The following PPME1 variants were observed in gnomAD, a reference collection of about 807,000 sequenced individuals.
PPME1 encodes testicular secretory protein Li 39.
Under a neutral mutation model 56.9 loss-of-function variants are expected in PPME1, and 17 were observed. The observed-to-expected ratio is 0.30, with a 90% confidence interval of 0.20 to 0.45. The LOEUF (loss-of-function observed/expected upper bound fraction) is 0.45. PPME1 is among the 20% of genes least tolerant of loss of function. PPME1 has a pLI of 1.00. For missense variants in PPME1, 357 were observed against 483.2 expected (o/e 0.74, Z 2.45); for synonymous variants, 122 against 156.2 (o/e 0.78, Z 1.63).
At chr11:74,239,395 C>A (rs1290412127) in intron 9 of PPME1, 139 bp downstream of exon 9, 19 of 1,338,806 alleles carry the variant, frequency 1.4e-5, no homozygotes, top group Non-Finnish European at 1.9e-5. Context: ...ATAAGAGATA[C>A]TTAGCTTAAC....
At chr11:74,247,338 A>G (rs1437095462) in intron 11 of PPME1, 27 of 526,650 alleles carry the variant, frequency 5.1e-5, no homozygotes, top group Admixed American at 2.8e-4. Flanking sequence ...AATCCATCCA[A>G]AAATGAAGAT....
chr11:74,177,934 C>T (rs542888681), intron 1 of PPME1, among the ~76,000 whole-genome samples: 1 of 152,220 alleles, frequency 6.6e-6, no homozygotes, highest in South Asian at 2.1e-4. Flanking sequence ...AGTAGATTTA[C>T]TCTTTAAATA....
rs1448489714 is a variant in PPME1 at position 74,203,792 on chromosome 11, G to A, written c.166G>A (p.Val56Ile). ...TCAGTATTTTGAGTCCATGGAAGAT[G>A]TAGAAGTAGAGAATGAAACTGGCAA... The part of the protein sequence containing the change: ...WSQYFESMED[V>I]EVENETGKDT... Residue 56 changes from valine (V) to isoleucine (I), a missense_variant, in exon 2 of 14, where the codon GTA becomes ATA. By Grantham distance (29) the Val-to-Ile change is conservative. Coordinates refer to ENST00000328257, the MANE Select transcript of PPME1 (RefSeq NM_016147.3). 5.0e-6 allele frequency: 8 copies of A among 1,612,084 alleles called. No individual in the cohort carries two copies. Among genetic ancestry groups the A allele is most frequent in the Non-Finnish European group, 6.8e-6 (8 of 1,178,862 alleles).
intron 1 of PPME1, among the ~76,000 whole-genome samples, chr11:74,175,332 G>A (rs201352158): frequency 2.0e-5 from 3 of 151,910 alleles, no homozygotes; most frequent in Admixed American, 1.3e-4. Context: ...GAAAAACACC[G>A]TCTCTCCTAA....
intron 9 of PPME1, among the ~76,000 whole-genome samples, chr11:74,244,624 T>C (rs1342580252): frequency 6.6e-6 from 1 of 152,212 alleles, no homozygotes; most frequent in African/African-American, 2.4e-5. Context: ...TCGATGTTTT[T>C]AGTTGCTGAA....
chr11:74,238,608 T>C (rs1859258523), intron 8 of PPME1: 1 of 152,222 alleles, frequency 6.6e-6, no homozygotes, highest in Non-Finnish European at 1.5e-5. Context: ...ATGCAATTTT[T>C]AAGAGAAAAA....
At chr11:74,190,206 G>T (rs1857797333) in intron 1 of PPME1, among the ~76,000 whole-genome samples, 1 of 152,192 alleles carries the variant, frequency 6.6e-6, no homozygotes, top group Admixed American at 6.5e-5. Context: ...CCTTGATAGG[G>T]TTAGAATGTT....
chr11:74,222,534 G>A, intron 4 of PPME1, 165 bp downstream of exon 4: 1 of 620,946 alleles, frequency 1.6e-6, no homozygotes, highest in Non-Finnish European at 2.8e-6. Context: ...TGTCGCCCAG[G>A]CTGGGGTGCA....
intron 1 of PPME1, among the ~76,000 whole-genome samples, chr11:74,172,104 C>T (rs906207694): frequency 1.3e-5 from 2 of 151,986 alleles, no homozygotes; most frequent in African/African-American, 4.8e-5. Context: ...ACAGATTCAG[C>T]GAATGAGAGG....
intron 1 of PPME1, among the ~76,000 whole-genome samples, chr11:74,184,849 C>T (rs1008099576): frequency 3.3e-5 from 5 of 152,020 alleles, no homozygotes; most frequent in African/African-American, 9.7e-5. Flanking sequence ...TATATCAGGG[C>T]CTGCCATGCA....
chr11:74,247,126 A>G lies in PPME1; in HGVS notation c.1009+3A>G. The stretch of plus-strand genomic sequence containing the variant: ...TCTGACCATTGGCCAGATGCAAGGT[A>G]AGTTATCAAGAAATTATACCCCTGG... On this transcript the variant is annotated splice_donor_region_variant and intron_variant, in intron 11 of 13. Coordinates refer to ENST00000328257, the MANE Select transcript of PPME1 (RefSeq NM_016147.3). 1 of 1,609,062 alleles carries G rather than the reference A, an allele frequency of 6.2e-7. No homozygotes were observed.
chr11:74,253,449 G>A (rs1859755254), intron 13 of PPME1, 43 bp from the exon 14 acceptor site: 1 of 1,579,418 alleles, frequency 6.3e-7, no homozygotes, highest in East Asian at 2.2e-5. Flanking sequence ...GAAAGCTATT[G>A]ATAGTTACAT....
chr11:74,189,817 TA>T (rs749023895), intron 1 of PPME1, among the ~76,000 whole-genome samples: 2 of 152,194 alleles, frequency 1.3e-5, no homozygotes, highest in Non-Finnish European at 2.9e-5. Context: ...TGTCATTTAG[TA>T]TTTTGGGGGT....
chr11:74,194,335 C>G (rs1185794504), intron 1 of PPME1, among the ~76,000 whole-genome samples: 1 of 151,810 alleles, frequency 6.6e-6, no homozygotes, highest in Non-Finnish European at 1.5e-5. Flanking sequence ...AGCAAGACTT[C>G]CCACCTCGGG....
intron 1 of PPME1, among the ~76,000 whole-genome samples, chr11:74,187,958 A>G (rs1857730296): frequency 6.6e-6 from 1 of 152,200 alleles, no homozygotes; most frequent in Admixed American, 6.5e-5. Flanking sequence ...ACAGAAGACC[A>G]AGTCAGAGCC....
At chr11:74,228,554 G>A (rs1858987895) in intron 5 of PPME1, among the ~76,000 whole-genome samples, 1 of 152,202 alleles carries the variant, frequency 6.6e-6, no homozygotes, top group Non-Finnish European at 1.5e-5. Context: ...TAGTGTTCCA[G>A]TAGTGGAACA....
intron 3 of PPME1, among the ~76,000 whole-genome samples, chr11:74,221,827 C>G (rs750411092): frequency 6.6e-6 from 1 of 152,086 alleles, no homozygotes; most frequent in Non-Finnish European, 1.5e-5. Flanking sequence ...TCTGCAGTAT[C>G]TGTCTTAAGT....
intron 3 of PPME1, among the ~76,000 whole-genome samples, chr11:74,221,475 G>A (rs549717448): frequency 3.3e-5 from 5 of 152,134 alleles, no homozygotes; most frequent in South Asian, 2.1e-4. Flanking sequence ...TGTGATTTAC[G>A]TTGACTTTTA....
At chr11:74,251,741 A>G (rs1157163020) in intron 13 of PPME1, 26 bp downstream of exon 13, 2 of 1,613,038 alleles carry the variant, frequency 1.2e-6, no homozygotes, top group South Asian at 1.1e-5. Context: ...GGGTTTAAGA[A>G]CCCAGCAGTG....
Sources: allele counts gnomAD v4.1 joint callset (sites outside exome capture counted in the v4.1 genomes callset), GRCh38; gene constraint gnomAD v4.1.1; transcripts MANE v1.5; gene names NCBI Gene and HGNC (gene_info 2026-07-23, HGNC 2026-07-21).